MMP20: variants seen among roughly 807,000 people sequenced by gnomAD.
The protein encoded by MMP20 is matrix metallopeptidase 20.
A neutral mutation model predicts 51.8 loss-of-function variants in MMP20; 50 were observed. The observed-to-expected ratio is 0.97, with a 90% confidence interval of 0.77 to 1.22. The LOEUF (loss-of-function observed/expected upper bound fraction) is 1.22, where lower values mean the gene tolerates loss of function less well. MMP20 is among the 50% of genes most tolerant of loss of function. MMP20 has a pLI of 0.00. For missense variants in MMP20, 663 were observed against 601.4 expected (o/e 1.10, Z -1.07); for synonymous variants, 244 against 216.2 (o/e 1.13, Z -1.13).
intron 8 of MMP20, among the ~76,000 whole-genome samples, chr11:102,587,860 A>G (rs1354521155): frequency 6.6e-6 from 1 of 152,152 alleles, no homozygotes; most frequent in African/African-American, 2.4e-5. Flanking sequence ...TCTGCTGTAG[A>G]CAGCATATAG....
At chr11:102,599,315 G>T (rs1473147015) in intron 6 of MMP20, among the ~76,000 whole-genome samples, 1 of 152,146 alleles carries the variant, frequency 6.6e-6, no homozygotes, top group South Asian at 2.1e-4. Flanking sequence ...CCACCATGCC[G>T]GCCTCTATCT....
chr11:102,586,233 T>C (rs866944947), intron 8 of MMP20, among the ~76,000 whole-genome samples: 57 of 152,362 alleles, frequency 3.7e-4, no homozygotes, highest in Admixed American at 7.2e-4. Flanking sequence ...TTAATTCTTC[T>C]TTCAATGTAT....
rs757106372 is a variant in MMP20, at chr11:102,593,422, A to G, written c.1247+17T>C. ...TCATTAAATAAAGATAGATAGTAAAAAGGAAAAAAGCCATACCTGTAGTAT... is the reference window on the plus strand; with the variant it reads ...TCATTAAATAAAGATAGATAGTAAAGAGGAAAAAAGCCATACCTGTAGTAT... On this transcript the variant is annotated intron_variant, in intron 8 of 9. Coordinates refer to ENST00000260228, the MANE Select transcript of MMP20 (RefSeq NM_004771.4). 10 of 1,611,548 alleles carry G rather than the reference A, an allele frequency of 6.2e-6. No individual in the cohort carries two copies. In the South Asian group the frequency reaches 1.1e-4, roughly 18 times the overall value.
intron 8 of MMP20, among the ~76,000 whole-genome samples, chr11:102,583,856 C>A (rs552666279): frequency 2.1e-4 from 32 of 152,292 alleles, no homozygotes; most frequent in Non-Finnish European, 4.1e-4. Context: ...TTTTAACTTG[C>A]CTATTATGGA....
At chr11:102,611,006 G>A (rs1290508708) in intron 3 of MMP20, among the ~76,000 whole-genome samples, 3 of 151,760 alleles carry the variant, frequency 2.0e-5, no homozygotes, top group African/African-American at 7.3e-5. Flanking sequence ...ACCAGGGGTG[G>A]CCTTTCTCTT....
chr11:102,599,986 A>G (rs1480599474), intron 6 of MMP20, among the ~76,000 whole-genome samples: 1 of 152,232 alleles, frequency 6.6e-6, no homozygotes, highest in East Asian at 1.9e-4. Context: ...ACCTGTGAAC[A>G]TGTAAAGGGC....
At chr11:102,624,555 T>C (rs1461390510) in intron 1 of MMP20, among the ~76,000 whole-genome samples, 1 of 151,948 alleles carries the variant, frequency 6.6e-6, no homozygotes, top group East Asian at 1.9e-4. Context: ...AAGAGGAAAA[T>C]ACACAAAGTT....
intron 6 of MMP20, among the ~76,000 whole-genome samples, chr11:102,595,069 G>A (rs928816000): frequency 1.3e-5 from 2 of 152,036 alleles, no homozygotes; most frequent in Admixed American, 6.6e-5. Context: ...CTACAGCTGT[G>A]TGCCACCATG....
At chr11:102,610,405 C>G (rs1859583287) in intron 3 of MMP20, among the ~76,000 whole-genome samples, 1 of 152,108 alleles carries the variant, frequency 6.6e-6, no homozygotes, top group Non-Finnish European at 1.5e-5. Flanking sequence ...GCAAAACCTA[C>G]CCCACTGATT....
chr11:102,618,265 G>C (rs948537375), intron 1 of MMP20, among the ~76,000 whole-genome samples: 12 of 151,888 alleles, frequency 7.9e-5, no homozygotes, highest in African/African-American at 2.4e-4. Flanking sequence ...CATGGATACA[G>C]AGCACTGATT....
At chr11:102,623,342 G>T (rs1485200148) in intron 1 of MMP20, among the ~76,000 whole-genome samples, 12 of 152,184 alleles carry the variant, frequency 7.9e-5, no homozygotes. Context: ...TGAGTGGCGG[G>T]CCAGCATTAC....
intron 5 of MMP20, chr11:102,607,128 A>T (rs1859528267): frequency 5.5e-6 from 1 of 181,140 alleles, no homozygotes. Context: ...CAATAAGAAA[A>T]CTTTCTTGTG....
intron 2 of MMP20, 140 bp downstream of exon 2, chr11:102,616,672 G>T: frequency 9.2e-7 from 1 of 1,084,366 alleles, no homozygotes; most frequent in Non-Finnish European, 1.3e-6. Flanking sequence ...CCTGACGGAT[G>T]GATGTAAAAA....
intron 1 of MMP20, among the ~76,000 whole-genome samples, chr11:102,620,918 A>C (rs1859742190): frequency 6.6e-6 from 1 of 152,200 alleles, no homozygotes; most frequent in Non-Finnish European, 1.5e-5. Flanking sequence ...GCATAGGCAG[A>C]TGAATATGGT....
intron 6 of MMP20, among the ~76,000 whole-genome samples, chr11:102,599,931 G>T (rs1242923603): frequency 1.3e-5 from 2 of 152,170 alleles, no homozygotes; most frequent in Admixed American, 1.3e-4. Context: ...AAGAATGTTT[G>T]TACCCATCTG....
At chr11:102,578,290 T>C (rs1859150151) in intron 9 of MMP20, among the ~76,000 whole-genome samples, 2 of 149,932 alleles carry the variant, frequency 1.3e-5, no homozygotes, top group Admixed American at 6.7e-5. Context: ...ACTACAGGTG[T>C]GTGCCATCAT....
intron 3 of MMP20, among the ~76,000 whole-genome samples, chr11:102,610,890 G>C (rs543106085): frequency 1.3e-5 from 2 of 152,190 alleles, no homozygotes; most frequent in East Asian, 3.9e-4. Context: ...TGGTTGGCTT[G>C]TGTATTAGGG....
At chr11:102,614,420 C>T (rs1303261718) in intron 2 of MMP20, among the ~76,000 whole-genome samples, 1 of 152,110 alleles carries the variant, frequency 6.6e-6, no homozygotes, top group Non-Finnish European at 1.5e-5. Context: ...GACTGCCCAG[C>T]TTATCACAAG....
chr11:102,606,186 GCTCAGCCATTTAACT>G (rs1859512949), intron 6 of MMP20, among the ~76,000 whole-genome samples: 1 of 152,206 alleles, frequency 6.6e-6, no homozygotes, highest in Non-Finnish European at 1.5e-5. Context: ...TGGTGTCCTA[GCTCAGCCATTTAACT>G]GTCACCTTGG....
Sources: allele counts gnomAD v4.1 joint callset (sites outside exome capture counted in the v4.1 genomes callset), GRCh38; gene constraint gnomAD v4.1.1; transcripts MANE v1.5; gene names NCBI Gene and HGNC (gene_info 2026-07-23, HGNC 2026-07-21).